The following TMEM63B variants were observed in gnomAD, a reference collection of about 807,000 sequenced individuals.
The protein encoded by TMEM63B is mechanosensitive cation channel TMEM63B.
Under a neutral mutation model 102.6 loss-of-function variants are expected in TMEM63B, and 23 were observed. The ratio of observed to expected loss-of-function variants is 0.22; its 90% CI spans 0.16 to 0.32. The LOEUF (loss-of-function observed/expected upper bound fraction) is 0.32, where lower values mean the gene tolerates loss of function less well. TMEM63B is among the 10% of genes least tolerant of loss of function. The probability of loss-of-function intolerance (pLI) is 1.00; values close to 1 mark genes in which losing one functional copy is unlikely to be tolerated. For missense variants in TMEM63B, 628 were observed against 1,095.9 expected, an observed-to-expected ratio of 0.57 and a Z score of 6.03; for synonymous variants, 444 against 437.0, an observed-to-expected ratio of 1.02 and a Z score of -0.20.
chr6:44,139,670 G>T (rs201583875), intron 7 of TMEM63B, 38 bp from the exon 8 acceptor site: 1 of 1,614,106 alleles, frequency 6.2e-7, no homozygotes, highest in Admixed American at 1.7e-5. Context: ...GATGTGCCCT[G>T]ACCCCACCAT....
At chr6:44,145,254 G>A (rs1286795136) in intron 10 of TMEM63B, among the ~76,000 whole-genome samples, 2 of 137,694 alleles carry the variant, frequency 1.5e-5, no homozygotes, top group South Asian at 2.3e-4. Flanking sequence ...CAGCCTGGGC[G>A]ACAGAGCAAG....
chr6:44,147,223 A>G (rs1287638366), intron 11 of TMEM63B, among the ~76,000 whole-genome samples, 154 bp from the exon 12 acceptor site: 1 of 151,982 alleles, frequency 6.6e-6, no homozygotes, highest in East Asian at 1.9e-4. Flanking sequence ...CCCTCTAGGG[A>G]TGGGTGGGGA....
Position 44,147,497 on chromosome 6 carries a change from G to A in TMEM63B, c.984G>A (p.Glu328=), listed in dbSNP as rs780628388. Residue 328 remains glutamate, a synonymous_variant, in exon 12 of 24, where the codon GAG becomes GAA. Coordinates refer to ENST00000323267, the MANE Select transcript of TMEM63B (RefSeq NM_018426.3). ...GCTGCTGTGTGGTGCGAGGCTGTGA[G>A]CAGGTATGACGCGGGCTGGCTGTTG... ...HLCCCVVRGC[E]QVEAIEYYTK... The A allele has an allele frequency of 1.2e-6, 2 of 1,614,184 alleles. No individual in the cohort carries two copies. The highest frequency in any genetic ancestry group is 2.2e-5 in the South Asian group (2 of 91,088).
Position 44,148,927 on chromosome 6 carries a change from G to T in TMEM63B, c.1395G>T (p.Lys465Asn). The T allele has an allele frequency of 6.2e-7, 1 of 1,614,076 alleles. No individual in the cohort carries two copies. Residue 465 changes from lysine to asparagine, a missense_variant, in exon 15 of 24, where the codon AAG (lysine) becomes AAT (asparagine). By Grantham distance (94) the Lys-to-Asn change is moderately conservative. This residue lies in a region of TMEM63B where 61 missense variants were observed against 176.0 expected (regional missense o/e 0.35). Transcript: ENST00000323267. The surrounding 1 kb of genome is among the most constrained non-coding windows in gnomAD (Gnocchi z 5.1). The part of the protein sequence containing the change: ...ITTMDKFNVT[K>N]PVEYLNNPII... ...CCATGGACAAGTTCAACGTCACCAA[G>T]CCTGTGGAGTACCTCAACGTGAGGC...
intron 10 of TMEM63B, among the ~76,000 whole-genome samples, chr6:44,143,519 A>C (rs1764716596): frequency 6.6e-6 from 1 of 152,096 alleles, no homozygotes; most frequent in African/African-American, 2.4e-5. Flanking sequence ...TCTTAATATT[A>C]CCATCCAGTT....
At chr6:44,141,193 C>A in intron 10 of TMEM63B, 95 bp downstream of exon 10, 1 of 1,270,248 alleles carries the variant, frequency 7.9e-7, no homozygotes, top group Non-Finnish European at 1.1e-6. Context: ...TAGCCTGGAG[C>A]TCTGCCGTGG....
rs752530567 is a variant in TMEM63B, at chr6:44,154,888, A to G, written c.*5A>G. 1.3e-6 allele frequency: 2 copies of G among 1,532,874 alleles called. No individual in the cohort carries two copies. The highest frequency in any genetic ancestry group is 2.1e-5 in the Admixed American group (1 of 48,444). The allele number at this position is 1,532,874 out of a possible 1,614,324, so 95.0% of individuals were successfully genotyped here. ...GAGAATGAGATTCACCAGTAAGGGG[A>G]GGGAGGGGCCCTGGAGGCCACATCC... On this transcript the variant is annotated 3_prime_UTR_variant, in exon 24 of 24. Transcript: ENST00000323267.
chr6:44,146,978 T>C, intron 11 of TMEM63B, 51 bp downstream of exon 11: 1 of 1,591,486 alleles, frequency 6.3e-7, no homozygotes, highest in South Asian at 1.1e-5. Context: ...CCTGCCATTG[T>C]GGAGGACATC....
Position 44,147,362 on chromosome 6 carries a change from A to G in TMEM63B, c.864-15A>G. On this transcript the variant is annotated splice_polypyrimidine_tract_variant and intron_variant, in intron 11 of 23. Transcript: ENST00000323267. ...CAGCCCCAGATGTAGGTGACCAGGC[A>G]TCTGGGTCCCACAGGAAGAAGGCCG... 2 of 1,614,124 alleles carry G rather than the reference A, an allele frequency of 1.2e-6. No individual in the cohort carries two copies. Among genetic ancestry groups the G allele is most frequent in the Non-Finnish European group, 1.7e-6 (2 of 1,179,988 alleles).
In TMEM63B at chr6:44,140,925, C is replaced by A. The variant is rs1169699319; in HGVS notation, c.712-103C>A. On this transcript the variant is annotated intron_variant, in intron 9 of 23. Transcript: ENST00000323267. ...CCCTCTGCTCACCTACTTCTCTACCCACTCAAAACAAAGCCTCTTTCTCTA... is the reference window on the plus strand; with the variant it reads ...CCCTCTGCTCACCTACTTCTCTACCAACTCAAAACAAAGCCTCTTTCTCTA... 3.1e-6 allele frequency: 3 copies of A among 980,958 alleles called. No homozygotes were observed. In the South Asian group the frequency reaches 4.0e-5, roughly 13 times the overall value. The allele number at this position is 980,958 out of a possible 1,614,324, so 60.8% of individuals were successfully genotyped here. A position where few individuals can be genotyped will look rare whatever the true frequency, so the allele number is the denominator to read the frequency against.
intron 10 of TMEM63B, among the ~76,000 whole-genome samples, chr6:44,142,481 G>T (rs1764491873): frequency 6.6e-6 from 1 of 152,118 alleles, no homozygotes; most frequent in South Asian, 2.1e-4. Context: ...AGTGAGCCGA[G>T]ATTGTGCCAC....
intron 10 of TMEM63B, among the ~76,000 whole-genome samples, chr6:44,145,834 C>T (rs1349846024): frequency 6.6e-6 from 1 of 152,176 alleles, no homozygotes; most frequent in African/African-American, 2.4e-5. Context: ...AAGCATTCTT[C>T]AAGCCTTGCC....
At chr6:44,141,273 A>G (rs891915425) in intron 10 of TMEM63B, among the ~76,000 whole-genome samples, 175 bp downstream of exon 10, 24 of 152,168 alleles carry the variant, frequency 1.6e-4, no homozygotes, top group African/African-American at 5.6e-4. Context: ...GTCGGGTGAT[A>G]GGCCCCTTTA....
At position 44,150,223 on chromosome 6, in the gene TMEM63B, G is replaced by A; in HGVS notation, c.1521-1G>A. 1 of 1,613,642 alleles carries A rather than the reference G, an allele frequency of 6.2e-7. No individual in the cohort carries two copies. The highest frequency in any genetic ancestry group is 8.5e-7 in the Non-Finnish European group (1 of 1,179,864). ...ACCGTTCCCTGCTCCCCTCCCTCCA[G>A]CTCTGGGGAGAACAGGACAACCATG... On this transcript the variant is annotated splice_acceptor_variant, in intron 16 of 23. Transcript: ENST00000323267. LOFTEE classifies it high-confidence loss of function. The surrounding 1 kb of genome is among the most constrained non-coding windows in gnomAD (Gnocchi z 4.7).
At chr6:44,131,002 C>T (rs1383023896) in intron 1 of TMEM63B, among the ~76,000 whole-genome samples, 1 of 152,070 alleles carries the variant, frequency 6.6e-6, no homozygotes, top group Non-Finnish European at 1.5e-5. Flanking sequence ...ACTGCAACCT[C>T]TGCCTCCTGG....
intron 1 of TMEM63B, chr6:44,132,247 G>GTCACA: frequency 1.0e-6 from 1 of 985,388 alleles, no homozygotes; most frequent in Middle Eastern, 5.2e-4. Flanking sequence ...GTGGAGGGGA[G>GTCACA]AGTACTTTGT....
intron 5 of TMEM63B, among the ~76,000 whole-genome samples, chr6:44,138,064 G>A (rs1763360248): frequency 6.6e-6 from 1 of 152,130 alleles, no homozygotes; most frequent in African/African-American, 2.4e-5. Flanking sequence ...GGGTAGACTA[G>A]AGGATAAATA....
At chr6:44,141,855 C>T (rs1217923602) in intron 10 of TMEM63B, among the ~76,000 whole-genome samples, 1 of 152,210 alleles carries the variant, frequency 6.6e-6, no homozygotes, top group Non-Finnish European at 1.5e-5. Flanking sequence ...GGCATGGTGG[C>T]TCATGGCTGT....
chr6:44,143,663 G>A (rs947204860), intron 10 of TMEM63B, among the ~76,000 whole-genome samples: 6 of 152,116 alleles, frequency 3.9e-5, no homozygotes, highest in South Asian at 2.1e-4. Context: ...AGCAGTAAAC[G>A]ACAGAAGGCC....
Sources: allele counts gnomAD v4.1 joint callset (sites outside exome capture counted in the v4.1 genomes callset), GRCh38; gene constraint gnomAD v4.1.1; regional missense constraint gnomAD v4.1.1; non-coding constraint Gnocchi (gnomAD v3.1); transcripts MANE v1.5; gene names NCBI Gene and HGNC (gene_info 2026-07-23, HGNC 2026-07-21).